CIITA: variants seen among roughly 807,000 people sequenced by gnomAD.
CIITA encodes class II major histocompatibility complex transactivator.
In CIITA, 72 loss-of-function variants were observed where a neutral mutation model predicts 115.1. The ratio of observed to expected loss-of-function variants is 0.63; its 90% CI spans 0.52 to 0.76. The LOEUF (loss-of-function observed/expected upper bound fraction) is 0.76. Ranked by LOEUF, CIITA falls within the 30% of genes least tolerant of loss-of-function variation. The pLI, the probability that CIITA is intolerant of heterozygous loss-of-function variation, is 0.00. For missense variants in CIITA, 1,617 were observed against 1,463.8 expected (o/e 1.10, Z -1.71); for synonymous variants, 763 against 635.6 (o/e 1.20, Z -3.02).
intron 10 of CIITA, among the ~76,000 whole-genome samples, chr16:10,905,437 G>A (rs1009492216): frequency 3.3e-5 from 5 of 152,236 alleles, no homozygotes; most frequent in African/African-American, 7.2e-5. Flanking sequence ...GTGATCAAGC[G>A]AAGAAAAAGC....
In CIITA at chr16:10,891,545, C is replaced by T. The variant is rs577088532; in HGVS notation, c.53-3737C>T. Among the ~76,000 whole-genome samples the T allele has an allele frequency of 5.3e-5, 8 of 152,256 alleles. No individual in the cohort carries two copies. The South Asian group carries it at 6.2e-4, about 12-fold the overall frequency. On this transcript the variant is annotated intron_variant, in intron 1 of 19. Coordinates refer to ENST00000324288, the MANE Select transcript of CIITA (RefSeq NM_000246.4). ...AGTCCAAAGTCACACAACTCATTCA[C>T]GGAGTTGCTAGGATCAGTCTGGAGC...
intron 1 of CIITA, among the ~76,000 whole-genome samples, chr16:10,891,770 C>A (rs1230085392): frequency 6.6e-6 from 1 of 152,202 alleles, no homozygotes; most frequent in Non-Finnish European, 1.5e-5. Context: ...ATCTCACCCC[C>A]AACCATCTCC....
chr16:10,913,045 C>T (rs1185236191), intron 13 of CIITA, among the ~76,000 whole-genome samples: 1 of 152,252 alleles, frequency 6.6e-6, no homozygotes, highest in Admixed American at 6.5e-5. Context: ...TCACCCTTAT[C>T]TCCTACACTC....
intron 5 of CIITA, among the ~76,000 whole-genome samples, 157 bp downstream of exon 5, chr16:10,899,159 G>A (rs919672200): frequency 6.6e-6 from 1 of 152,110 alleles, no homozygotes; most frequent in African/African-American, 2.4e-5. Context: ...ATGTACATCT[G>A]ATTATTTCAT....
chr16:10,895,807 G>C, intron 3 of CIITA, 43 bp downstream of exon 3: 1 of 1,590,876 alleles, frequency 6.3e-7, no homozygotes, highest in Non-Finnish European at 8.6e-7. Context: ...TCAAGGGCAA[G>C]AGTTCTTTGC....
In CIITA at chr16:10,924,834, A is replaced by G. The variant is rs1223453464; in HGVS notation, c.*979A>G. 1 of 152,218 alleles carries G rather than the reference A, an allele frequency of 6.6e-6. No individual in the cohort carries two copies. The highest frequency in any genetic ancestry group is 1.5e-5 in the Non-Finnish European group (1 of 68,034). 9.4% of individuals were successfully genotyped at this position (152,218 alleles called of 1,614,324 possible). On this transcript the variant is annotated 3_prime_UTR_variant, in exon 20 of 20. Coordinates refer to ENST00000324288, the MANE Select transcript of CIITA (RefSeq NM_000246.4). ...AGCTTCATTTCCTGTGTCTTTTTTC[A>G]CTACATTATAAATGTCTCTTTAATG... is the stretch of plus-strand genomic sequence containing the variant.
At chr16:10,871,291 A>G (rs1356504807) in intron 1 of CIITA, among the ~76,000 whole-genome samples, 2 of 152,176 alleles carry the variant, frequency 1.3e-5, no homozygotes, top group Admixed American at 6.5e-5. Context: ...CACAAGCCCA[A>G]CGTGCATGGT....
chr16:10,882,755 G>A (rs1457777310), intron 1 of CIITA, among the ~76,000 whole-genome samples: 2 of 151,930 alleles, frequency 1.3e-5, no homozygotes, highest in African/African-American at 2.4e-5. Flanking sequence ...AAATTAGCCG[G>A]GTGTAGTGGT....
At chr16:10,905,152 G>A (rs1407671867) in intron 10 of CIITA, among the ~76,000 whole-genome samples, 1 of 152,090 alleles carries the variant, frequency 6.6e-6, no homozygotes, top group African/African-American at 2.4e-5. Flanking sequence ...ATGGAAAGTG[G>A]GAATAAACCA....
chr16:10,902,942 T>G, intron 8 of CIITA, 141 bp downstream of exon 8: 2 of 1,056,600 alleles, frequency 1.9e-6, no homozygotes, highest in Non-Finnish European at 1.4e-6. Flanking sequence ...CAACTTTCTC[T>G]GTCCCTATTT....
In CIITA at chr16:10,901,408, C is replaced by T; in HGVS notation, c.437-106C>T. 4 of 1,237,802 alleles carry T rather than the reference C, an allele frequency of 3.2e-6. No individual in the cohort carries two copies. Among genetic ancestry groups the T allele is most frequent in the Non-Finnish European group, 4.7e-6 (4 of 849,230 alleles). The allele number at this position is 1,237,802 out of a possible 1,614,324, so 76.7% of individuals were successfully genotyped here. ...GGAGGAAAATGGACCCCCAAGACCACTACCCAGCCTTGAAGTTAAGGCCGT... is the reference window on the plus strand; with the variant it reads ...GGAGGAAAATGGACCCCCAAGACCATTACCCAGCCTTGAAGTTAAGGCCGT... On this transcript the variant is annotated intron_variant, in intron 5 of 19. Transcript: ENST00000324288. The surrounding 1 kb of genome is among the most constrained non-coding windows in gnomAD (Gnocchi z 6.8).
chr16:10,908,962 T>C (rs910019562), intron 11 of CIITA, 67 bp from the exon 12 acceptor site: 1 of 1,611,310 alleles, frequency 6.2e-7, no homozygotes, highest in African/African-American at 1.3e-5. Context: ...GGACCCTTCA[T>C]GGAGCTGCCC....
intron 10 of CIITA, among the ~76,000 whole-genome samples, chr16:10,906,189 T>C (rs1002843941): frequency 6.6e-6 from 1 of 151,986 alleles, no homozygotes; most frequent in African/African-American, 2.4e-5. Context: ...TGAGACCCCA[T>C]CTCTACAAAA....
intron 16 of CIITA, 44 bp from the exon 17 acceptor site, chr16:10,922,123 T>G (rs572471720): frequency 1.3e-6 from 2 of 1,560,662 alleles, no homozygotes; most frequent in Non-Finnish European, 1.8e-6. Context: ...AGGCTGACCA[T>G]GCACAGGCCT....
chr16:10,931,492 T>G lies in CIITA; in HGVS notation c.*7637T>G, dbSNP rs2040792290. The G allele has an allele frequency of 6.6e-6, 1 of 152,236 alleles. No individual in the cohort carries two copies. The highest frequency in any genetic ancestry group is 1.5e-5 in the Non-Finnish European group (1 of 68,048). 9.4% of individuals were successfully genotyped at this position (152,236 alleles called of 1,614,324 possible). ...ACTAACACTCCGGTTTTCATTGTGT[T>G]TATCTGTAGGGTTACCTTCTATTTA... On this transcript the variant is annotated 3_prime_UTR_variant, in exon 20 of 20. Coordinates refer to ENST00000324288, the MANE Select transcript of CIITA (RefSeq NM_000246.4).
At position 10,922,215 on chromosome 16, in the gene CIITA, T is replaced by G. The variant is rs2145147118; in HGVS notation, c.3198T>G (p.Arg1066=). The change falls in exon 17 of 20, where the codon CGT becomes CGG. Residue 1066 remains arginine (R), a synonymous_variant. Coordinates refer to ENST00000324288, the MANE Select transcript of CIITA (RefSeq NM_000246.4). The stretch of plus-strand genomic sequence containing the variant: ...ACGTGGGAGCCGAGAGCTTGGCTCG[T>G]GTGCTTCCGGACATGGTGTCCCTCC... The part of the protein sequence containing the change: ...ICDVGAESLA[R]VLPDMVSLRV... 1 of 1,614,254 alleles carries G rather than the reference T, an allele frequency of 6.2e-7. No individual in the cohort carries two copies. The highest frequency in any genetic ancestry group is 8.5e-7 in the Non-Finnish European group (1 of 1,180,038).
intron 1 of CIITA, among the ~76,000 whole-genome samples, chr16:10,889,134 T>C (rs1161298560): frequency 2.6e-5 from 4 of 152,194 alleles, no homozygotes; most frequent in Admixed American, 6.5e-5. Flanking sequence ...ATACAGTCCC[T>C]GCCCTCAGGG....
At chr16:10,908,614 A>G (rs768636610) in intron 11 of CIITA, 4 of 427,916 alleles carry the variant, frequency 9.3e-6, no homozygotes, top group Non-Finnish European at 1.7e-5. Context: ...CCTGCTTACA[A>G]TCCTTCAGGG....
intron 16 of CIITA, among the ~76,000 whole-genome samples, chr16:10,921,081 T>A (rs2040244881): frequency 6.6e-6 from 1 of 152,208 alleles, no homozygotes; most frequent in African/African-American, 2.4e-5. Flanking sequence ...TTGGTCAGGC[T>A]GGTCTCAAAC....
Sources: allele counts gnomAD v4.1 joint callset (sites outside exome capture counted in the v4.1 genomes callset), GRCh38; gene constraint gnomAD v4.1.1; non-coding constraint Gnocchi (gnomAD v3.1); transcripts MANE v1.5; gene names NCBI Gene and HGNC (gene_info 2026-07-23, HGNC 2026-07-21).